EIPR1: variants seen among roughly 807,000 people sequenced by gnomAD.
EIPR1 encodes EARP complex and GARP complex interacting protein 1.
Under a neutral mutation model 48.1 loss-of-function variants are expected in EIPR1, and 25 were observed. The observed-to-expected ratio is 0.52, with a 90% CI of 0.38 to 0.73. The LOEUF is 0.73. EIPR1 is among the 30% of genes least tolerant of loss of function. The probability of loss-of-function intolerance (pLI) is 0.00; values close to 1 mark genes in which losing one functional copy is unlikely to be tolerated. For missense variants in EIPR1, 415 were observed against 506.2 expected (o/e 0.82, Z 1.73); for synonymous variants, 204 against 201.9 (o/e 1.01, Z -0.09).
chr2:3,222,667 G>A (rs1182311835), intron 4 of EIPR1, among the ~76,000 whole-genome samples: 15 of 152,220 alleles, frequency 9.9e-5, no homozygotes, highest in Admixed American at 9.2e-4. Context: ...CATGGCACTT[G>A]AGCCTCGGTA....
At chr2:3,374,238 A>T (rs1481377141) in intron 1 of EIPR1, among the ~76,000 whole-genome samples, 7 of 151,664 alleles carry the variant, frequency 4.6e-5, no homozygotes, top group African/African-American at 9.7e-5. Flanking sequence ...TCAAGATGGA[A>T]TAAAGACTTA....
At chr2:3,239,904 GTTC>G (rs1164382870) in intron 4 of EIPR1, among the ~76,000 whole-genome samples, 1 of 152,226 alleles carries the variant, frequency 6.6e-6, no homozygotes, top group African/African-American at 2.4e-5. Context: ...AGGTCTCTTT[GTTC>G]TTCTCCAGGG....
intron 3 of EIPR1, among the ~76,000 whole-genome samples, chr2:3,296,240 CA>C (rs1668587672): frequency 8.8e-6 from 1 of 113,524 alleles, no homozygotes; most frequent in African/African-American, 3.4e-5. Flanking sequence ...AGCCCATCCT[CA>C]CCACACACAG....
At position 3,349,577 on chromosome 2, in the gene EIPR1, G is replaced by A. The variant is rs533629112; in HGVS notation, c.126+4973C>T. On this transcript the variant is annotated intron_variant, in intron 2 of 8. Transcript: ENST00000382125. ...GAGGATGCTGCCAGACAGGGACAGG[G>A]ACAGGGAGCATGCCAGGAGACGGGG... Among the ~76,000 whole-genome samples, 78 of 150,734 alleles carry A rather than the reference G, an allele frequency of 5.2e-4. 1 individual carries two copies. The highest frequency in any genetic ancestry group is 1.8e-3 in the African/African-American group (73 of 40,388).
intron 3 of EIPR1, among the ~76,000 whole-genome samples, chr2:3,262,390 C>T (rs778505885): frequency 6.6e-6 from 1 of 152,200 alleles, no homozygotes; most frequent in Non-Finnish European, 1.5e-5. Flanking sequence ...CCAGGACCTG[C>T]TACTTCTGCT....
chr2:3,233,278 G>A (rs1475054651), intron 4 of EIPR1, among the ~76,000 whole-genome samples: 1 of 151,790 alleles, frequency 6.6e-6, no homozygotes, highest in Non-Finnish European at 1.5e-5. Flanking sequence ...CTTTCCAAAG[G>A]GCACACAGAA....
At chr2:3,231,445 T>C (rs891025937) in intron 4 of EIPR1, among the ~76,000 whole-genome samples, 1 of 152,250 alleles carries the variant, frequency 6.6e-6, no homozygotes, top group Non-Finnish European at 1.5e-5. Flanking sequence ...AGCTTACAAC[T>C]TTTCAGATGT....
At chr2:3,371,493 C>T (rs1269185689) in intron 1 of EIPR1, among the ~76,000 whole-genome samples, 1 of 152,104 alleles carries the variant, frequency 6.6e-6, no homozygotes, top group Non-Finnish European at 1.5e-5. Context: ...GCCCATCTCA[C>T]GTGCAGAGAC....
chr2:3,270,128 T>A (rs1667660324), intron 3 of EIPR1, among the ~76,000 whole-genome samples: 1 of 152,220 alleles, frequency 6.6e-6, no homozygotes, highest in African/African-American at 2.4e-5. Context: ...TTAGAGGCAG[T>A]AGCCTCCATT....
intron 3 of EIPR1, among the ~76,000 whole-genome samples, chr2:3,333,059 G>A (rs767883946): frequency 1.2e-4 from 19 of 152,160 alleles, no homozygotes; most frequent in Non-Finnish European, 2.2e-4. Flanking sequence ...GCCTGTGGGC[G>A]CCAGATCCTT....
intron 3 of EIPR1, among the ~76,000 whole-genome samples, chr2:3,310,146 T>G (rs1669078551): frequency 6.6e-6 from 1 of 152,136 alleles, no homozygotes; most frequent in Non-Finnish European, 1.5e-5. Flanking sequence ...TGTTTATATA[T>G]TAGGAGTGCA....
intron 4 of EIPR1, among the ~76,000 whole-genome samples, chr2:3,235,422 G>GCA (rs200996322): frequency 1.5e-5 from 2 of 133,188 alleles, no homozygotes; most frequent in African/African-American, 5.5e-5. Context: ...ATGCGGGTGC[G>GCA]CACACACACA....
chr2:3,303,523 T>C (rs2103296736), intron 3 of EIPR1, among the ~76,000 whole-genome samples: 1 of 152,360 alleles, frequency 6.6e-6, no homozygotes, highest in Non-Finnish European at 1.5e-5. Flanking sequence ...CGCTGCCACG[T>C]CTGAATCAGT....
intron 5 of EIPR1, among the ~76,000 whole-genome samples, chr2:3,203,559 T>TA (rs972946372): frequency 2.0e-5 from 3 of 151,980 alleles, no homozygotes; most frequent in Admixed American, 6.5e-5. Context: ...GGAGGGTAGA[T>TA]AAAAAAAGCA....
At chr2:3,367,203 G>A (rs1167927464) in intron 1 of EIPR1, among the ~76,000 whole-genome samples, 1 of 151,988 alleles carries the variant, frequency 6.6e-6, no homozygotes, top group East Asian at 1.9e-4. Context: ...TGCGTCTTGG[G>A]TGGGTAAATC....
intron 1 of EIPR1, among the ~76,000 whole-genome samples, chr2:3,363,349 T>C (rs1270257977): frequency 1.3e-5 from 2 of 151,768 alleles, no homozygotes; most frequent in African/African-American, 2.4e-5. Flanking sequence ...ATCAAACATA[T>C]CAACAAAAAT....
intron 5 of EIPR1, among the ~76,000 whole-genome samples, chr2:3,202,497 C>A (rs558048600): frequency 6.6e-6 from 1 of 152,326 alleles, no homozygotes; most frequent in East Asian, 1.9e-4. Context: ...TTTCTACTAA[C>A]TATATTGGTT....
rs534216014 is a variant in EIPR1 at position 3,259,809 on chromosome 2, ACACT to A, written c.260-2358_260-2355del. On this transcript the variant is annotated intron_variant, in intron 3 of 8. Coordinates refer to ENST00000382125, the MANE Select transcript of EIPR1 (RefSeq NM_003310.5). Reference sequence around the variant, plus strand: ...GGTCACTTGTTTTACTACAAAAATAACACTCAAGAGTGGAGAAAGGATGGTCTTT... The same window carrying A: ...GGTCACTTGTTTTACTACAAAAATAACAAGAGTGGAGAAAGGATGGTCTTT... Among the ~76,000 whole-genome samples, 37 of 152,358 alleles carry A rather than the reference ACACT, an allele frequency of 2.4e-4. 1 individual carries two copies. In the South Asian group the frequency reaches 7.7e-3, roughly 32 times the overall value.
At chr2:3,223,952 C>G (rs1319908981) in intron 4 of EIPR1, among the ~76,000 whole-genome samples, 1 of 152,202 alleles carries the variant, frequency 6.6e-6, no homozygotes, top group African/African-American at 2.4e-5. Context: ...AGAGAACCAT[C>G]CCGGGAACAA....
Sources: gnomAD v4.1 joint callset for allele counts (sites outside exome capture counted in the v4.1 genomes callset) on GRCh38, gnomAD v4.1.1 for gene constraint, MANE v1.5 for transcripts, NCBI Gene and HGNC (gene_info 2026-07-23, HGNC 2026-07-21) for gene names.